The following ZNF107 variants were observed in gnomAD, a reference collection of about 807,000 sequenced individuals.
ZNF107 encodes C2H2 type zinc-finger protein.
Under a neutral mutation model 12.3 loss-of-function variants are expected in ZNF107, and 19 were observed. The ratio of observed to expected loss-of-function variants is 1.55; its 90% CI spans 1.08 to 2.27. The LOEUF (loss-of-function observed/expected upper bound fraction) is 2.27, where lower values mean the gene tolerates loss of function less well. Among genes scored for constraint, ZNF107 ranks in the 30% most tolerant of loss-of-function variants. The pLI, the probability that ZNF107 is intolerant of heterozygous loss-of-function variation, is 0.00. For missense variants in ZNF107, 958 were observed against 979.9 expected, an observed-to-expected ratio of 0.98 and a Z score of 0.30; for synonymous variants, 317 against 330.5, an observed-to-expected ratio of 0.96 and a Z score of 0.44.
intron 3 of ZNF107, among the ~76,000 whole-genome samples, chr7:64,704,939 A>G (rs1245552986): frequency 6.6e-6 from 1 of 152,180 alleles, no homozygotes; most frequent in Admixed American, 6.5e-5. Flanking sequence ...TTGGTCTCCC[A>G]ATGTGCTGGG....
chr7:64,708,033 G>C lies in ZNF107; in HGVS notation c.1936G>C (p.Glu646Gln), dbSNP rs1790739126. Residue 646 changes from glutamate to glutamine, a missense_variant, in exon 4 of 4, where the codon GAG becomes CAG. Physicochemically the swap from Glu to Gln is conservative, Grantham distance 29 (BLOSUM62 2). Coordinates refer to ENST00000620827, the MANE Select transcript of ZNF107 (RefSeq NM_001282359.2). ...LTTQKIIHTGENLYKFEEHGK... is the reference protein window; with the variant it reads ...LTTQKIIHTGQNLYKFEEHGK... ...TACACAAAAGATAATTCATACTGGA[G>C]AGAACCTCTACAAATTTGAAGAACA... The C allele has an allele frequency of 2.5e-6, 4 of 1,613,458 alleles. No individual in the cohort carries two copies. Among genetic ancestry groups the C allele is most frequent in the Non-Finnish European group, 3.4e-6 (4 of 1,179,710 alleles).
In ZNF107 at chr7:64,666,185, T is replaced by C. The variant is rs1270253286; in HGVS notation, c.-98T>C. On this transcript the variant is annotated 5_prime_UTR_variant, in exon 1 of 4. Transcript: ENST00000620827. ...TCCTGCTCTCCTCCTCACTGCTCAG[T>C]GTCCTCTGCTCCTAGAGGCCCAGCC... is the stretch of plus-strand genomic sequence containing the variant. 2 of 1,506,910 alleles carry C rather than the reference T, an allele frequency of 1.3e-6. No homozygotes were observed. Among genetic ancestry groups the C allele is most frequent in the East Asian group, 4.8e-5 (2 of 42,078 alleles). The allele number at this position is 1,506,910 out of a possible 1,614,324, so 93.3% of individuals were successfully genotyped here. A position where few individuals can be genotyped will look rare whatever the true frequency, so the allele number is the denominator to read the frequency against.
Position 64,708,763 on chromosome 7 carries a change from C to A in ZNF107, c.*107C>A. On this transcript the variant is annotated 3_prime_UTR_variant, in exon 4 of 4. Transcript: ENST00000620827. ...ACAAGTCTTCAACTTTTTCTGCACA[C>A]ACGAGGTATTTTATACTGGTGAGAA... 8.9e-7 allele frequency: 1 copy of A among 1,128,238 alleles called. No individual in the cohort carries two copies. The highest frequency in any genetic ancestry group is 1.2e-6 in the Non-Finnish European group (1 of 804,054). The allele number at this position is 1,128,238 out of a possible 1,614,324, so 69.9% of individuals were successfully genotyped here. A position where few individuals can be genotyped will look rare whatever the true frequency, so the allele number is the denominator to read the frequency against.
At chr7:64,680,744 TAG>T (rs947497094) in intron 1 of ZNF107, among the ~76,000 whole-genome samples, 1 of 152,084 alleles carries the variant, frequency 6.6e-6, no homozygotes, top group Non-Finnish European at 1.5e-5. Context: ...CTTCAAAAAT[TAG>T]AGTCTGGCCC....
At chr7:64,673,920 T>C (rs1789326021) in intron 1 of ZNF107, among the ~76,000 whole-genome samples, 1 of 152,078 alleles carries the variant, frequency 6.6e-6, no homozygotes, top group South Asian at 2.1e-4. Flanking sequence ...GTTGCACTGG[T>C]CTATTGGTCT....
intron 1 of ZNF107, among the ~76,000 whole-genome samples, chr7:64,669,386 C>A (rs1789135843): frequency 6.6e-6 from 1 of 152,080 alleles, no homozygotes; most frequent in Admixed American, 6.5e-5. Context: ...TCCCATATGA[C>A]TAATTGATTA....
In ZNF107 at chr7:64,684,658, A is replaced by G. The variant is rs138321137; in HGVS notation, c.4-6590A>G. 2.1e-5 allele frequency: 21 copies of G among 985,108 alleles called. No individual in the cohort carries two copies. In the African/African-American group the frequency reaches 3.5e-4, roughly 16 times the overall value. The allele number at this position is 985,108 out of a possible 1,614,324, so 61.0% of individuals were successfully genotyped here. On this transcript the variant is annotated intron_variant, in intron 1 of 3. Transcript: ENST00000620827. The stretch of plus-strand genomic sequence containing the variant: ...CTTCTTCACCCTCTTCCTCCACTCT[A>G]TTTGCCAAGACATCTCCTGGTTTCA...
chr7:64,680,562 A>G (rs1191746639), intron 1 of ZNF107, among the ~76,000 whole-genome samples: 1 of 152,160 alleles, frequency 6.6e-6, no homozygotes, highest in African/African-American at 2.4e-5. Context: ...AGCTGCGTAT[A>G]AGGCTGTCAA....
chr7:64,708,603 A>C lies in ZNF107; in HGVS notation c.2506A>C (p.Lys836Gln). Residue 836 changes from lysine to glutamine, a missense_variant, in exon 4 of 4, where the codon AAG becomes CAG. Lys to Gln is a moderately conservative substitution (Grantham distance 53, BLOSUM62 1). Coordinates refer to ENST00000620827, the MANE Select transcript of ZNF107 (RefSeq NM_001282359.2). ...CCTATCCTCAAATCTTACTACACAT[A>C]AGAAAATTCATACTGGAGAGAAACC... ...FNLSSNLTTHKKIHTGEKPYK... is the reference protein window; with the variant it reads ...FNLSSNLTTHQKIHTGEKPYK... 6.2e-7 allele frequency: 1 copy of C among 1,611,466 alleles called. No homozygotes were observed. The highest frequency in any genetic ancestry group is 1.1e-5 in the South Asian group (1 of 90,812).
At chr7:64,692,674 T>A (rs576657178) in intron 3 of ZNF107, among the ~76,000 whole-genome samples, 1 of 152,226 alleles carries the variant, frequency 6.6e-6, no homozygotes, top group Non-Finnish European at 1.5e-5. Context: ...TAAAATTTAT[T>A]TGTGTCTTCT....
chr7:64,709,603 G>T lies in ZNF107; in HGVS notation c.*947G>T, dbSNP rs1456926913. ...ATTGTAGGTAAGAATCCATACTGAA[G>T]AAAACTCCTGGAAGTGTAAAAAATG... is the stretch of plus-strand genomic sequence containing the variant. On this transcript the variant is annotated 3_prime_UTR_variant, in exon 4 of 4. Coordinates refer to ENST00000620827, the MANE Select transcript of ZNF107 (RefSeq NM_001282359.2). 2.6e-5 allele frequency: 11 copies of T among 423,902 alleles called. No individual in the cohort carries two copies. The highest frequency in any genetic ancestry group is 1.9e-4 in the South Asian group (11 of 58,054). 26.3% of individuals were successfully genotyped at this position (423,902 alleles called of 1,614,324 possible).
chr7:64,705,269 T>C (rs1181104325), intron 3 of ZNF107, among the ~76,000 whole-genome samples: 1 of 151,984 alleles, frequency 6.6e-6, no homozygotes, highest in Admixed American at 6.6e-5. Context: ...TCTTTATTTT[T>C]ACATTAATTT....
rs373445822 is a variant in ZNF107 at position 64,691,904 on chromosome 7, A to T, written c.170A>T (p.Glu57Val). The T allele has an allele frequency of 5.9e-6, 9 of 1,525,128 alleles. No individual in the cohort carries two copies. The highest frequency in any genetic ancestry group is 7.9e-6 in the Non-Finnish European group (9 of 1,142,690). The allele number at this position is 1,525,128 out of a possible 1,614,324, so 94.5% of individuals were successfully genotyped here. Reference sequence around the variant, plus strand: ...AAGCCATATCTGATCACCTGTCTGGAGCAAAAAAAAGAGCCCTGGAATATA... The same window carrying T: ...AAGCCATATCTGATCACCTGTCTGGTGCAAAAAAAAGAGCCCTGGAATATA... ...VSKPYLITCLEQKKEPWNIKR... is the reference protein window; with the variant it reads ...VSKPYLITCLVQKKEPWNIKR... The change falls in exon 3 of 4, where the codon GAG becomes GTG. Residue 57 changes from glutamate (E) to valine (V), a missense_variant. Transcript: ENST00000620827.
At chr7:64,691,604 G>A (rs1401846193) in intron 2 of ZNF107, among the ~76,000 whole-genome samples, 1 of 152,074 alleles carries the variant, frequency 6.6e-6, no homozygotes, top group Admixed American at 6.5e-5. Flanking sequence ...CTCTAGATTA[G>A]TGATAATTCC....
intron 3 of ZNF107, among the ~76,000 whole-genome samples, chr7:64,696,423 G>A (rs1027552454): frequency 5.6e-4 from 85 of 152,252 alleles, no homozygotes; most frequent in African/African-American, 1.6e-3. Flanking sequence ...ATTGAGAGAG[G>A]AGGATTACTT....
At chr7:64,668,411 GT>G (rs1193487374) in intron 1 of ZNF107, among the ~76,000 whole-genome samples, 1 of 146,322 alleles carries the variant, frequency 6.8e-6, no homozygotes, top group East Asian at 2.0e-4. Flanking sequence ...GCGGTGTTTG[GT>G]TTTTTGTCCT....
chr7:64,704,535 C>T (rs942213002), intron 3 of ZNF107, among the ~76,000 whole-genome samples: 4 of 152,144 alleles, frequency 2.6e-5, no homozygotes, highest in South Asian at 2.1e-4. Flanking sequence ...CGAGACACCG[C>T]GCCTGGCTGA....
At chr7:64,680,669 G>A (rs1354155870) in intron 1 of ZNF107, among the ~76,000 whole-genome samples, 2 of 152,156 alleles carry the variant, frequency 1.3e-5, no homozygotes, top group African/African-American at 2.4e-5. Flanking sequence ...ACCCTGAAGG[G>A]CCAGGGGCCA....
rs758954047 is a variant in ZNF107, at chr7:64,707,006, A to G, written c.909A>G (p.Gln303=). The G allele has an allele frequency of 6.2e-7, 1 of 1,613,216 alleles. No homozygotes were observed. The highest frequency in any genetic ancestry group is 8.5e-7 in the Non-Finnish European group (1 of 1,179,692). Residue 303 remains glutamine (Q), a synonymous_variant, in exon 4 of 4, where the codon CAA becomes CAG. Coordinates refer to ENST00000620827, the MANE Select transcript of ZNF107 (RefSeq NM_001282359.2). ...GCCAGTCCTCACACCTTACTACACA[A>G]AAGATACTTCACACTGGAGAGAACC... The part of the protein sequence containing the change: ...VFSQSSHLTT[Q]KILHTGENLY...
Sources: allele counts gnomAD v4.1 joint callset (sites outside exome capture counted in the v4.1 genomes callset), GRCh38; gene constraint gnomAD v4.1.1; transcripts MANE v1.5; gene names NCBI Gene and HGNC (gene_info 2026-07-23, HGNC 2026-07-21).